Variants in NXPE2 observed in about 807,000 individuals in gnomAD.
The protein encoded by NXPE2 is neurexophilin and PC-esterase domain family member 2.
A neutral mutation model predicts 34.4 loss-of-function variants in NXPE2; 34 were observed. That is an observed-to-expected ratio of 0.99 (90% confidence interval 0.75 to 1.31). The LOEUF (loss-of-function observed/expected upper bound fraction) is 1.31, where lower values mean the gene tolerates loss of function less well. Ranked by LOEUF, NXPE2 falls within the 40% of genes most tolerant of loss-of-function variation. The pLI is 0.00. For synonymous variants in NXPE2, 235 were observed against 231.3 expected, an observed-to-expected ratio of 1.02 and a Z score of -0.15; for missense variants, 649 against 672.5, an observed-to-expected ratio of 0.97 and a Z score of 0.39.
chr11:114,782,744 G>A, the NXPE2 span, among the ~76,000 whole-genome samples: 13 of 152,296 alleles, frequency 8.5e-5, no homozygotes, highest in African/African-American at 3.1e-4. Context: ...TCATCAGGAC[G>A]AGGTATGGTT....
intron 2 of NXPE2, among the ~76,000 whole-genome samples, chr11:114,692,288 T>A (rs1951168246): frequency 6.6e-6 from 1 of 152,146 alleles, no homozygotes; most frequent in South Asian, 2.1e-4. Context: ...GAGAGTGCAG[T>A]CCATTTACAT....
intron 2 of NXPE2, among the ~76,000 whole-genome samples, chr11:114,696,883 G>T (rs555759870): frequency 1.3e-5 from 2 of 152,182 alleles, no homozygotes; most frequent in Admixed American, 6.5e-5. Context: ...AGTACCAAAC[G>T]CTATACAGTG....
the NXPE2 span, among the ~76,000 whole-genome samples, chr11:114,802,947 A>G: frequency 3.3e-5 from 5 of 152,100 alleles, no homozygotes; most frequent in Admixed American, 6.5e-5. Context: ...ACATGAAACC[A>G]TCTGATTCCA....
chr11:114,569,971 TCC>T, the NXPE2 span, among the ~76,000 whole-genome samples: 1 of 152,102 alleles, frequency 6.6e-6, no homozygotes, highest in Non-Finnish European at 1.5e-5. Context: ...CTGCTTACCT[TCC>T]TACATGGCTG....
chr11:114,635,161 C>T, the NXPE2 span, among the ~76,000 whole-genome samples: 4 of 150,506 alleles, frequency 2.7e-5, no homozygotes, highest in African/African-American at 9.8e-5. Context: ...TTGTAGTTCT[C>T]CTTGAAGAGT....
the NXPE2 span, among the ~76,000 whole-genome samples, chr11:114,601,585 T>TATATATTATAATTATAAATA: frequency 0.014 from 99 of 7,048 alleles, no homozygotes; most frequent in Middle Eastern, 0.071. Context: ...AATTATATAT[T>TATATATTATAATTATAAATA]ATATATATTA....
chr11:114,609,858 G>T, the NXPE2 span, among the ~76,000 whole-genome samples: 1 of 151,198 alleles, frequency 6.6e-6, no homozygotes, highest in Non-Finnish European at 1.5e-5. Flanking sequence ...CTATTGCCTC[G>T]CGGGTAACCA....
chr11:114,632,246 G>A, the NXPE2 span, among the ~76,000 whole-genome samples: 5 of 137,822 alleles, frequency 3.6e-5, no homozygotes, highest in South Asian at 8.7e-4. Context: ...ATATGTATAT[G>A]TGTATATATG....
At chr11:114,699,642 A>AGTGAAGT (rs1288613390) in intron 3 of NXPE2, among the ~76,000 whole-genome samples, 1 of 151,770 alleles carries the variant, frequency 6.6e-6, no homozygotes, top group Non-Finnish European at 1.5e-5. Flanking sequence ...CATCTCCCTG[A>AGTGAAGT]GTGAAGTTCT....
At chr11:114,502,449 T>C in the NXPE2 span, among the ~76,000 whole-genome samples, 1 of 152,222 alleles carries the variant, frequency 6.6e-6, no homozygotes, top group Non-Finnish European at 1.5e-5. Flanking sequence ...ACTGTTTCTG[T>C]CTTCATCTTT....
At chr11:114,653,672 C>T in the NXPE2 span, among the ~76,000 whole-genome samples, 5 of 151,740 alleles carry the variant, frequency 3.3e-5, no homozygotes, top group Non-Finnish European at 5.9e-5. Context: ...GGACTACAGG[C>T]GCCCACCACT....
At chr11:114,615,105 G>T in the NXPE2 span, among the ~76,000 whole-genome samples, 1 of 151,934 alleles carries the variant, frequency 6.6e-6, no homozygotes, top group Admixed American at 6.6e-5. Flanking sequence ...TTGCTTCATG[G>T]GTAACCACTG....
the NXPE2 span, chr11:114,554,232 C>T: frequency 2.0e-6 from 2 of 975,642 alleles, no homozygotes; most frequent in Non-Finnish European, 2.4e-6. Context: ...AGATACACAA[C>T]CTTTCCTGGC....
At chr11:114,612,991 C>T in the NXPE2 span, among the ~76,000 whole-genome samples, 1 of 151,952 alleles carries the variant, frequency 6.6e-6, no homozygotes, top group Non-Finnish European at 1.5e-5. Flanking sequence ...ACCACTGTTA[C>T]CCAATGGATA....
chr11:114,566,236 G>A, the NXPE2 span, among the ~76,000 whole-genome samples: 1 of 151,642 alleles, frequency 6.6e-6, no homozygotes, highest in East Asian at 1.9e-4. Flanking sequence ...TTTAAGCCAG[G>A]GAGTGGGTAT....
chr11:114,771,058 T>C, the NXPE2 span, among the ~76,000 whole-genome samples: 1 of 152,280 alleles, frequency 6.6e-6, no homozygotes, highest in African/African-American at 2.4e-5. Context: ...TTATAGATGA[T>C]CATTTGACCA....
At chr11:114,745,797 G>A in the NXPE2 span, among the ~76,000 whole-genome samples, 1 of 151,890 alleles carries the variant, frequency 6.6e-6, no homozygotes, top group Admixed American at 6.6e-5. Flanking sequence ...GAAAAATTAG[G>A]TGTCTCCAAA....
chr11:114,556,896 C>CTT, the NXPE2 span, among the ~76,000 whole-genome samples: 8 of 140,686 alleles, frequency 5.7e-5, no homozygotes, highest in Non-Finnish European at 9.3e-5. Context: ...CCCTTTTTGA[C>CTT]TTTTTTTTTT....
At chr11:114,777,973 G>A in the NXPE2 span, among the ~76,000 whole-genome samples, 1 of 152,196 alleles carries the variant, frequency 6.6e-6, no homozygotes, top group Non-Finnish European at 1.5e-5. Context: ...CTGGCTTACA[G>A]TCCAGGGGCA....
Sources: gnomAD v4.1 joint callset for allele counts (sites outside exome capture counted in the v4.1 genomes callset) on GRCh38, gnomAD v4.1.1 for gene constraint, MANE v1.5 for transcripts, NCBI Gene and HGNC (gene_info 2026-07-23, HGNC 2026-07-21) for gene names.